CCDC73: variants seen among roughly 807,000 people sequenced by gnomAD.
CCDC73 encodes the protein coiled-coil domain containing 73.
Under a neutral mutation model 116.5 loss-of-function variants are expected in CCDC73, and 95 were observed. The observed-to-expected ratio is 0.82, with a 90% confidence interval of 0.69 to 0.97. The LOEUF (loss-of-function observed/expected upper bound fraction) is 0.97. Ranked by LOEUF, CCDC73 falls within the 50% of genes least tolerant of loss-of-function variation. CCDC73 has a pLI of 0.00. For synonymous variants in CCDC73, 398 were observed against 401.3 expected (o/e 0.99, Z 0.10); for missense variants, 1,066 against 1,206.8 (o/e 0.88, Z 1.73).
intron 13 of CCDC73, among the ~76,000 whole-genome samples, chr11:32,641,707 A>G (rs61889417): frequency 4.5e-4 from 36 of 80,738 alleles, no homozygotes; most frequent in Admixed American, 7.8e-4. Flanking sequence ...ATATATATAT[A>G]TGTGTGTGTA....
chr11:32,618,568 T>C (rs1855494710), intron 14 of CCDC73, among the ~76,000 whole-genome samples: 1 of 152,182 alleles, frequency 6.6e-6, no homozygotes, highest in African/African-American at 2.4e-5. Context: ...TTATTATTTT[T>C]TTGAGACAAA....
At chr11:32,714,746 G>T (rs1440875712) in intron 3 of CCDC73, among the ~76,000 whole-genome samples, 3 of 152,074 alleles carry the variant, frequency 2.0e-5, no homozygotes, top group Admixed American at 2.0e-4. Context: ...GATCAAGACA[G>T]CCTCTACCCA....
At chr11:32,638,318 C>A (rs1160737951) in intron 13 of CCDC73, among the ~76,000 whole-genome samples, 1 of 152,140 alleles carries the variant, frequency 6.6e-6, no homozygotes, top group Non-Finnish European at 1.5e-5. Context: ...CAATGGCTTC[C>A]CATTACTTAA....
chr11:32,707,353 CTA>C, intron 3 of CCDC73, among the ~76,000 whole-genome samples: 1 of 151,186 alleles, frequency 6.6e-6, no homozygotes, highest in Non-Finnish European at 1.5e-5. Context: ...AGCCCAAGTA[CTA>C]TGTTATCTTC....
intron 2 of CCDC73, among the ~76,000 whole-genome samples, chr11:32,718,703 C>G (rs1216412632): frequency 6.6e-6 from 1 of 152,148 alleles, no homozygotes; most frequent in Non-Finnish European, 1.5e-5. Context: ...TAGCTAAAAG[C>G]ACTAGTGGAA....
At chr11:32,764,228 G>A (rs986192861) in intron 1 of CCDC73, among the ~76,000 whole-genome samples, 1 of 152,078 alleles carries the variant, frequency 6.6e-6, no homozygotes, top group East Asian at 1.9e-4. Context: ...ACCTACCAAG[G>A]CAGGCCAACA....
chr11:32,804,109 C>A, the CCDC73 span, among the ~76,000 whole-genome samples: 2 of 151,924 alleles, frequency 1.3e-5, no homozygotes, highest in South Asian at 2.1e-4. Flanking sequence ...CACACCCAAC[C>A]TAAACCTGGT....
intron 3 of CCDC73, among the ~76,000 whole-genome samples, chr11:32,711,970 G>C (rs1020913858): frequency 6.6e-6 from 1 of 152,110 alleles, no homozygotes; most frequent in African/African-American, 2.4e-5. Context: ...AGTATTAGCA[G>C]CTGTCAAACT....
chr11:32,683,179 G>C, intron 7 of CCDC73: 1 of 286,490 alleles, frequency 3.5e-6, no homozygotes, highest in South Asian at 3.2e-5. Context: ...TATACCTACG[G>C]GTTAAGCATC....
At chr11:32,611,006 T>C (rs1590541721) in intron 17 of CCDC73, 126 bp downstream of exon 17, 1 of 845,290 alleles carries the variant, frequency 1.2e-6, no homozygotes, top group Non-Finnish European at 1.8e-6. Context: ...AATGGTGCCA[T>C]GTTGCCCTCT....
chr11:32,621,893 T>C (rs1031479599), intron 14 of CCDC73, among the ~76,000 whole-genome samples: 2 of 152,140 alleles, frequency 1.3e-5, no homozygotes, highest in East Asian at 3.9e-4. Flanking sequence ...ACAGGGCCAA[T>C]GAACATATGA....
At chr11:32,675,243 C>T (rs1856075772) in intron 9 of CCDC73, among the ~76,000 whole-genome samples, 1 of 152,158 alleles carries the variant, frequency 6.6e-6, no homozygotes, top group Admixed American at 6.5e-5. Flanking sequence ...TGCCACATAG[C>T]ACCCAGTATA....
chr11:32,633,200 C>T (rs545493073), intron 14 of CCDC73, among the ~76,000 whole-genome samples: 19 of 152,150 alleles, frequency 1.2e-4, no homozygotes, highest in African/African-American at 4.6e-4. Context: ...TGCACCTGGC[C>T]CAAAACCTGG....
chr11:32,808,631 T>G, the CCDC73 span, among the ~76,000 whole-genome samples: 1 of 140,952 alleles, frequency 7.1e-6, no homozygotes, highest in Non-Finnish European at 1.6e-5. Flanking sequence ...ATAGCGAGAC[T>G]CCGTCTCAAA....
chr11:32,777,286 G>T (rs903593731), intron 1 of CCDC73, among the ~76,000 whole-genome samples: 7 of 151,286 alleles, frequency 4.6e-5, no homozygotes, highest in Admixed American at 2.0e-4. Context: ...TGTATTTTTA[G>T]TAAAGATGGC....
Position 32,614,005 on chromosome 11 carries a change from A to G in CCDC73, c.2313T>C (p.Asn771=). ...NNCLGYLENT[N]VNISHLHLNN... is the part of the protein sequence containing the mutation. ...TAAGATGAAGATGGGAAATGTTCAC[A>G]TTAGTGTTTTCTAAGTATCCCAAAC... Residue 771 remains asparagine (N), a synonymous_variant, in exon 16 of 18, where the codon AAT becomes AAC. Coordinates refer to ENST00000335185, the MANE Select transcript of CCDC73 (RefSeq NM_001008391.4). 2 of 1,611,350 alleles carry G rather than the reference A, an allele frequency of 1.2e-6. No individual in the cohort carries two copies. Among genetic ancestry groups the G allele is most frequent in the Admixed American group, 1.7e-5 (1 of 60,010 alleles).
chr11:32,662,590 CT>C (rs1398383943), intron 9 of CCDC73, among the ~76,000 whole-genome samples: 1 of 151,866 alleles, frequency 6.6e-6, no homozygotes, highest in Admixed American at 6.6e-5. Flanking sequence ...GATATTAGCC[CT>C]TTGTCAGATG....
intron 1 of CCDC73, among the ~76,000 whole-genome samples, chr11:32,790,622 A>C (rs1353709121): frequency 6.6e-6 from 1 of 152,126 alleles, no homozygotes. Flanking sequence ...TTATGAGTAA[A>C]ACATTCTCTG....
intron 13 of CCDC73, among the ~76,000 whole-genome samples, chr11:32,636,086 T>G (rs1297854542): frequency 6.6e-6 from 1 of 152,120 alleles, no homozygotes; most frequent in Admixed American, 6.6e-5. Flanking sequence ...TCACAGAAGT[T>G]AAGTAACTTG....
Sources: gnomAD v4.1 joint callset for allele counts (sites outside exome capture counted in the v4.1 genomes callset) on GRCh38, gnomAD v4.1.1 for gene constraint, MANE v1.5 for transcripts, NCBI Gene and HGNC (gene_info 2026-07-23, HGNC 2026-07-21) for gene names.